The following BATF3 variants were observed in gnomAD, a reference collection of about 807,000 sequenced individuals.
BATF3 encodes basic leucine zipper transcriptional factor ATF-like 3.
A neutral mutation model predicts 16.1 loss-of-function variants in BATF3; 8 were observed. The observed-to-expected ratio is 0.50, with a 90% CI of 0.29 to 0.90. The LOEUF (loss-of-function observed/expected upper bound fraction) is 0.90. Ranked by LOEUF, BATF3 falls within the 40% of genes least tolerant of loss-of-function variation. The pLI is 0.08. For synonymous variants in BATF3, 74 were observed against 72.7 expected, an observed-to-expected ratio of 1.02 and a Z score of -0.09; for missense variants, 139 against 167.0, an observed-to-expected ratio of 0.83 and a Z score of 0.92.
intron 2 of BATF3, chr1:212,687,581 G>A (rs1440286818): frequency 2.0e-5 from 3 of 152,866 alleles, no homozygotes; most frequent in African/African-American, 7.2e-5. Context: ...ACTTGTTCTG[G>A]GCACTCCTGC....
intron 2 of BATF3, among the ~76,000 whole-genome samples, chr1:212,690,588 A>G (rs1266763532): frequency 6.6e-6 from 1 of 152,232 alleles, no homozygotes; most frequent in Non-Finnish European, 1.5e-5. Context: ...ACTGAATAGC[A>G]GCAAAGGGGG....
chr1:212,686,831 G>A lies in BATF3; in HGVS notation c.344C>T (p.Pro115Leu). Residue 115 changes from proline (P) to leucine (L), a missense_variant, in exon 3 of 3, where the codon CCT becomes CTT. By Grantham distance (98) the Pro-to-Leu change is moderately conservative. Coordinates refer to ENST00000243440, the MANE Select transcript of BATF3 (RefSeq NM_018664.3). ...LLCPMNFVPV[P>L]PRPDPVAGCL... The stretch of plus-strand genomic sequence containing the variant: ...GCCGGCCACAGGGTCCGGCCGGGGA[G>A]GCACTGGCACAAAGTTCATAGGGCA... 6.2e-7 allele frequency: 1 copy of A among 1,613,832 alleles called. No homozygotes were observed. Among genetic ancestry groups the A allele is most frequent in the Non-Finnish European group, 8.5e-7 (1 of 1,179,800 alleles).
At chr1:212,691,057 C>T (rs532824818) in intron 2 of BATF3, among the ~76,000 whole-genome samples, 3 of 152,250 alleles carry the variant, frequency 2.0e-5, no homozygotes, top group African/African-American at 2.4e-5. Context: ...ATTATGCTGC[C>T]CCATGCATAA....
chr1:212,687,628 C>T (rs537665485), intron 2 of BATF3: 2 of 150,976 alleles, frequency 1.3e-5, no homozygotes, highest in African/African-American at 5.0e-5. Flanking sequence ...GGCTGCTCTA[C>T]TAGACAAATC....
rs1553247692 is a variant in BATF3, at chr1:212,699,264, C to CCCA, written c.90+408_90+409insTGG. On this transcript the variant is annotated intron_variant, in intron 1 of 2. Transcript: ENST00000243440. This position sits in a 1 kb window ranked among gnomAD's most constrained non-coding sequence, Gnocchi z 4.4. Reference sequence around the variant, plus strand: ...TCCATTCCCGCGGCAGCACCCCCCCCACCCGGGGGAATCCTGGAGGGGCTA... The same window carrying CCCA: ...TCCATTCCCGCGGCAGCACCCCCCCCCCAACCCGGGGGAATCCTGGAGGGGCTA... 3.9e-4 allele frequency among the ~76,000 whole-genome samples: 60 copies of CCCA among 152,288 alleles called. No homozygotes were observed. The highest frequency in any genetic ancestry group is 1.2e-3 in the African/African-American group (51 of 41,556).
Position 212,699,710 on chromosome 1 carries a change from G to A in BATF3, c.53C>T (p.Ala18Val). The change falls in exon 1 of 3, where the codon GCG becomes GTG. Residue 18 changes from alanine to valine, a missense_variant. Physicochemically the swap from Ala to Val is moderately conservative, Grantham distance 64. Coordinates refer to ENST00000243440, the MANE Select transcript of BATF3 (RefSeq NM_018664.3). This position sits in a 1 kb window ranked among gnomAD's most constrained non-coding sequence, Gnocchi z 4.4. ...AGSVLQRSVA[A>V]PGNQPQPQPQ... is the part of the protein sequence containing the mutation. ...CTGCGGCTGCGGCTGGTTCCCGGGCGCCGCGACGCTCCTCTGCAGGACGCT... is the reference window on the plus strand; with the variant it reads ...CTGCGGCTGCGGCTGGTTCCCGGGCACCGCGACGCTCCTCTGCAGGACGCT... The A allele has an allele frequency of 1.5e-6, 2 of 1,347,716 alleles. No homozygotes were observed. Among genetic ancestry groups the A allele is most frequent in the Non-Finnish European group, 1.9e-6 (2 of 1,044,632 alleles). The allele number at this position is 1,347,716 out of a possible 1,614,324, so 83.5% of individuals were successfully genotyped here.
intron 2 of BATF3, among the ~76,000 whole-genome samples, 181 bp downstream of exon 2, chr1:212,696,780 G>A (rs1386003172): frequency 6.6e-6 from 1 of 152,206 alleles, no homozygotes; most frequent in Non-Finnish European, 1.5e-5. Context: ...GCACTCAGTG[G>A]ATGAGGGAGA....
chr1:212,699,110 T>A lies in BATF3; in HGVS notation c.90+563A>T, dbSNP rs1248611063. On this transcript the variant is annotated intron_variant, in intron 1 of 2. Transcript: ENST00000243440. The surrounding 1 kb of genome is among the most constrained non-coding windows in gnomAD (Gnocchi z 4.4). ...GTCCCTGTGGCCAACCTGGTCTCCT[T>A]CCTGACTGCGCCGCTGTAAACGTTG... is the stretch of plus-strand genomic sequence containing the variant. Among the ~76,000 whole-genome samples, 1 of 152,210 alleles carries A rather than the reference T, an allele frequency of 6.6e-6. No individual in the cohort carries two copies. The highest frequency in any genetic ancestry group is 1.9e-4 in the East Asian group (1 of 5,188).
At chr1:212,694,024 C>T (rs1302738777) in intron 2 of BATF3, among the ~76,000 whole-genome samples, 2 of 152,096 alleles carry the variant, frequency 1.3e-5, no homozygotes, top group Non-Finnish European at 2.9e-5. Flanking sequence ...TCATAAGGGT[C>T]CTTGTAAGTG....
In BATF3 at chr1:212,689,311, T is replaced by C. The variant is rs1023847606; in HGVS notation, c.196-2332A>G. Among the ~76,000 whole-genome samples the C allele has an allele frequency of 6.6e-6, 1 of 152,148 alleles. No individual in the cohort carries two copies. The highest frequency in any genetic ancestry group is 2.4e-5 in the African/African-American group (1 of 41,440). On this transcript the variant is annotated intron_variant, in intron 2 of 2. Transcript: ENST00000243440. This position sits in a 1 kb window ranked among gnomAD's most constrained non-coding sequence, Gnocchi z 4.6. ...CATCCTTTCCTTTCAGAAGGGACTC[T>C]CAGCATCTTCCTCCCTTTAAGAACC...
At chr1:212,695,490 CAAAAAAAAAAA>C (rs373281690) in intron 2 of BATF3, among the ~76,000 whole-genome samples, 3 of 42,226 alleles carry the variant, frequency 7.1e-5, no homozygotes, top group South Asian at 1.9e-3. Context: ...GACTCTGTCT[CAAAAAAAAAAA>C]AAAAAAAAAA....
chr1:212,695,505 A>C (rs1346641623), intron 2 of BATF3, among the ~76,000 whole-genome samples: 162 of 150,700 alleles, frequency 1.1e-3, no homozygotes, highest in Non-Finnish European at 2.1e-3. Flanking sequence ...AAAAAAAAAA[A>C]AAAAAAAAAA....
At chr1:212,695,126 G>A (rs890023075) in intron 2 of BATF3, among the ~76,000 whole-genome samples, 13 of 152,142 alleles carry the variant, frequency 8.5e-5, no homozygotes, top group Non-Finnish European at 1.8e-4. Context: ...ACTTTGCAGG[G>A]CCAAGGCAGG....
intron 2 of BATF3, among the ~76,000 whole-genome samples, chr1:212,687,224 T>C (rs1043740614): frequency 3.3e-5 from 5 of 152,090 alleles, no homozygotes; most frequent in Admixed American, 6.5e-5. Flanking sequence ...ATCCAGTGAG[T>C]TTTGACAAAT....
chr1:212,692,065 G>T (rs1657012344), intron 2 of BATF3, among the ~76,000 whole-genome samples: 1 of 152,198 alleles, frequency 6.6e-6, no homozygotes, highest in South Asian at 2.1e-4. Flanking sequence ...CTGCGTGAAG[G>T]GGAACCCCAG....
rs1472649809 is a variant in BATF3, at chr1:212,699,742, G to A, written c.21C>T (p.Ala7=). Residue 7 remains alanine (A), a synonymous_variant, in exon 1 of 3, where the codon GCC becomes GCT. Transcript: ENST00000243440. The surrounding 1 kb of genome is among the most constrained non-coding windows in gnomAD (Gnocchi z 4.4). ...CGCTCCTCTGCAGGACGCTGCCGGC[G>A]GCCGGGAGCCCTTGCGACATGCCGG... MSQGLP[A]AGSVLQRSVA... is the part of the protein sequence containing the mutation. 11 of 1,300,252 alleles carry A rather than the reference G, an allele frequency of 8.5e-6. No homozygotes were observed. The highest frequency in any genetic ancestry group is 1.5e-5 in the African/African-American group (1 of 65,102). The allele number at this position is 1,300,252 out of a possible 1,614,324, so 80.5% of individuals were successfully genotyped here.
intron 2 of BATF3, among the ~76,000 whole-genome samples, chr1:212,692,283 A>G (rs1473811566): frequency 6.6e-6 from 1 of 152,222 alleles, no homozygotes; most frequent in Non-Finnish European, 1.5e-5. Context: ...TCAGCAGCAC[A>G]TACATTAAAA....
chr1:212,695,092 A>G (rs1261634015), intron 2 of BATF3, among the ~76,000 whole-genome samples: 1 of 152,162 alleles, frequency 6.6e-6, no homozygotes, highest in Admixed American at 6.5e-5. Context: ...ACCTGGCACA[A>G]TGCCTCATGC....
At position 212,699,260 on chromosome 1, in the gene BATF3, C is replaced by CCCT. The variant is rs1187437763; in HGVS notation, c.90+412_90+413insAGG. On this transcript the variant is annotated intron_variant, in intron 1 of 2. Coordinates refer to ENST00000243440, the MANE Select transcript of BATF3 (RefSeq NM_018664.3). This position sits in a 1 kb window ranked among gnomAD's most constrained non-coding sequence, Gnocchi z 4.4. ...GTTCTCCATTCCCGCGGCAGCACCC[C>CCCT]CCCCACCCGGGGGAATCCTGGAGGG... is the stretch of plus-strand genomic sequence containing the variant. 6.6e-6 allele frequency among the ~76,000 whole-genome samples: 1 copy of CCCT among 152,186 alleles called. No individual in the cohort carries two copies. The highest frequency in any genetic ancestry group is 1.9e-4 in the East Asian group (1 of 5,194).
Sources: allele counts gnomAD v4.1 joint callset (sites outside exome capture counted in the v4.1 genomes callset), GRCh38; gene constraint gnomAD v4.1.1; non-coding constraint Gnocchi (gnomAD v3.1); transcripts MANE v1.5; gene names NCBI Gene and HGNC (gene_info 2026-07-23, HGNC 2026-07-21).